The following ZFX variants were observed in gnomAD, a reference collection of about 807,000 sequenced individuals.
ZFX encodes the protein zinc finger protein X-linked.
For synonymous variants in ZFX, 196 were observed against 226.8 expected (o/e 0.86, Z 1.22); for missense variants, 362 against 628.3 (o/e 0.58, Z 4.53).
Position 24,211,560 on chromosome X carries a change from A to G in ZFX, c.*184A>G, listed in dbSNP as rs1163694499. The G allele has an allele frequency of 3.6e-5, 18 of 493,930 alleles. No individual in the cohort carries two copies. The highest frequency in any genetic ancestry group is 5.7e-5 in the Non-Finnish European group (18 of 313,376). The allele number at this position is 493,930 out of a possible 1,213,427, so 40.7% of individuals were successfully genotyped here. On this transcript the variant is annotated 3_prime_UTR_variant, in exon 10 of 10. Transcript: ENST00000304543. ...TGCTCAGTAGTGTGTTCTGAATTCT[A>G]TTCAGTTTGTTTAATAAATAGGGAA...
chrX:24,149,408 C>G (rs1931687051), upstream of ZFX: 1 of 110,485 alleles, frequency 9.1e-6, no homozygotes, highest in African/African-American at 3.3e-5. Context: ...TGTGTGGCGG[C>G]GGCGGGCGGG....
chrX:24,163,364 G>GTTTTTTTTTTTTTT (rs66467960), intron 3 of ZFX, among the ~76,000 whole-genome samples: 1 of 19,049 alleles, frequency 5.2e-5, no homozygotes, highest in Non-Finnish European at 8.2e-5. Context: ...TTTTTGTTAG[G>GTTTTTTTTTTTTTT]TTTTTTTTTT....
rs141995872 is a variant in ZFX, at chrX:24,210,380, C to T, written c.1422C>T (p.His474=). 8.3e-6 allele frequency: 10 copies of T among 1,210,211 alleles called. No individual in the cohort carries two copies. The African/African-American group carries it at 1.4e-4, about 17-fold the overall frequency. The change falls in exon 10 of 10, where the codon CAC becomes CAT. Residue 474 remains histidine (H), a synonymous_variant. Transcript: ENST00000304543. ...ACAAGAAGATAAGTTTACACAACCACCTGGAGAGCCACAAGCTGACCAGCA... is the reference window on the plus strand; with the variant it reads ...ACAAGAAGATAAGTTTACACAACCATCTGGAGAGCCACAAGCTGACCAGCA... ...TTNKKISLHN[H]LESHKLTSKA... is the part of the protein sequence containing the mutation.
chrX:24,196,986 C>T (rs746192249), intron 5 of ZFX, among the ~76,000 whole-genome samples: 1 of 111,960 alleles, frequency 8.9e-6, no homozygotes, highest in South Asian at 3.7e-4. Flanking sequence ...AGCCACTAGC[C>T]ACATATTTGG....
At chrX:24,190,343 A>G (rs1420794534) in intron 5 of ZFX, among the ~76,000 whole-genome samples, 2 of 112,075 alleles carry the variant, frequency 1.8e-5, no homozygotes, top group African/African-American at 3.2e-5. Flanking sequence ...GGTTATTTTA[A>G]TCCATCTAAA....
At chrX:24,173,514 T>C in intron 4 of ZFX, 2 of 1,059,030 alleles carry the variant, frequency 1.9e-6, no homozygotes, top group South Asian at 4.8e-5. Flanking sequence ...AAAAAAACAG[T>C]ATTAGAAAAC....
rs1490270659 is a variant in ZFX at position 24,207,404 on chromosome X, A to G, written c.725A>G (p.Lys242Arg). The G allele has an allele frequency of 1.7e-6, 2 of 1,208,235 alleles. No homozygotes were observed. The highest frequency in any genetic ancestry group is 3.5e-5 in the African/African-American group (2 of 56,605). The change falls in exon 6 of 10, where the codon AAA (lysine) becomes AGA (arginine). Residue 242 changes from lysine (K) to arginine (R), a missense_variant. Coordinates refer to ENST00000304543, the MANE Select transcript of ZFX (RefSeq NM_003410.4). Reference sequence around the variant, plus strand: ...ACAGAGTCGGAAATTGATCCTTGTAAAGTGGATGGCACTTGCCCTGAGGTC... The same window carrying G: ...ACAGAGTCGGAAATTGATCCTTGTAGAGTGGATGGCACTTGCCCTGAGGTC... ...MDTESEIDPC[K>R]VDGTCPEVIK...
chrX:24,156,807 A>G (rs1048865358), intron 3 of ZFX, among the ~76,000 whole-genome samples: 28 of 109,891 alleles, frequency 2.5e-4, no homozygotes, highest in Non-Finnish European at 3.8e-5. Flanking sequence ...GGCGCCCGCA[A>G]CCACGCCCGG....
At chrX:24,180,283 T>C (rs761927754) in intron 5 of ZFX, among the ~76,000 whole-genome samples, 1 of 109,750 alleles carries the variant, frequency 9.1e-6, no homozygotes, top group African/African-American at 3.3e-5. Flanking sequence ...TCATGAAGAA[T>C]GTGATTAGGC....
rs1375899282 is a variant in ZFX at position 24,216,126 on chromosome X, TCGAAA to T, written c.*4754_*4758del. 7 of 111,602 alleles carry T rather than the reference TCGAAA, an allele frequency of 6.3e-5. No homozygotes were observed. Among genetic ancestry groups the T allele is most frequent in the Non-Finnish European group, 1.3e-4 (7 of 53,153 alleles). 9.2% of individuals were successfully genotyped at this position (111,602 alleles called of 1,213,427 possible). A position where few individuals can be genotyped will look rare whatever the true frequency, so the allele number is the denominator to read the frequency against. ...TGTTGGCTATAGACAAGGTATATACTCGAAACGAGGAGACTTAAATCACACAGTTA... is the reference window on the plus strand; with the variant it reads ...TGTTGGCTATAGACAAGGTATATACTCGAGGAGACTTAAATCACACAGTTA... On this transcript the variant is annotated 3_prime_UTR_variant, in exon 10 of 10. Coordinates refer to ENST00000304543, the MANE Select transcript of ZFX (RefSeq NM_003410.4).
intron 5 of ZFX, among the ~76,000 whole-genome samples, chrX:24,194,513 C>T (rs1001074224): frequency 9.0e-6 from 1 of 111,090 alleles, no homozygotes; most frequent in African/African-American, 3.3e-5. Context: ...CTGCCTGGTA[C>T]CCTGAGCTGC....
At chrX:24,165,229 C>T (rs1405768749) in intron 3 of ZFX, among the ~76,000 whole-genome samples, 1 of 112,189 alleles carries the variant, frequency 8.9e-6, no homozygotes, top group Admixed American at 9.4e-5. Flanking sequence ...CAAGCAGTTC[C>T]CCTGCCTCAG....
At chrX:24,156,326 G>A (rs1349403761) in intron 3 of ZFX, among the ~76,000 whole-genome samples, 2 of 111,786 alleles carry the variant, frequency 1.8e-5, no homozygotes, top group East Asian at 5.6e-4. Context: ...ATAATATGAT[G>A]GTAGCCAGTT....
chrX:24,164,033 CT>C (rs774003374), intron 3 of ZFX, among the ~76,000 whole-genome samples: 1 of 106,812 alleles, frequency 9.4e-6, no homozygotes, highest in Non-Finnish European at 1.9e-5. Context: ...GTTTCTTCCC[CT>C]CTTTTAGATT....
intron 4 of ZFX, among the ~76,000 whole-genome samples, chrX:24,174,199 C>T (rs1337985972): frequency 4.6e-5 from 5 of 108,543 alleles, no homozygotes; most frequent in Non-Finnish European, 9.6e-5. Context: ...GGTGATAGCA[C>T]GAGACGCAGT....
chrX:24,190,828 C>T (rs1249945883), intron 5 of ZFX, among the ~76,000 whole-genome samples: 1 of 112,522 alleles, frequency 8.9e-6, no homozygotes, highest in Non-Finnish European at 1.9e-5. Context: ...TACTCATTAG[C>T]TGAATGAATT....
intron 5 of ZFX, among the ~76,000 whole-genome samples, chrX:24,195,556 A>G (rs1383282919): frequency 9.0e-6 from 1 of 110,722 alleles, no homozygotes; most frequent in East Asian, 2.9e-4. Flanking sequence ...GGGTTTCACC[A>G]TGTTAGTCAG....
chrX:24,214,339 T>A lies in ZFX; in HGVS notation c.*2963T>A. Reference sequence around the variant, plus strand: ...AAAAAGAAAATCATATAGGGATGTGTGACATTATTGTAATTGTGTACTTGA... The same window carrying A: ...AAAAAGAAAATCATATAGGGATGTGAGACATTATTGTAATTGTGTACTTGA... On this transcript the variant is annotated 3_prime_UTR_variant, in exon 10 of 10. Coordinates refer to ENST00000304543, the MANE Select transcript of ZFX (RefSeq NM_003410.4). 1 of 112,190 alleles carries A rather than the reference T, an allele frequency of 8.9e-6. No individual in the cohort carries two copies. The highest frequency in any genetic ancestry group is 4.6e-3 in the Middle Eastern group (1 of 216). The allele number at this position is 112,190 out of a possible 1,213,427, so 9.2% of individuals were successfully genotyped here. A position where few individuals can be genotyped will look rare whatever the true frequency, so the allele number is the denominator to read the frequency against.
At chrX:24,154,577 T>C (rs1932590983) in intron 3 of ZFX, among the ~76,000 whole-genome samples, 1 of 111,553 alleles carries the variant, frequency 9.0e-6, no homozygotes, top group Non-Finnish European at 1.9e-5. Context: ...ATAATACTTT[T>C]TATTTGCTCT....
Sources: allele counts gnomAD v4.1 joint callset (sites outside exome capture counted in the v4.1 genomes callset), GRCh38; gene constraint gnomAD v4.1.1; transcripts MANE v1.5; gene names NCBI Gene and HGNC (gene_info 2026-07-23, HGNC 2026-07-21).